ASPSCR1: variants seen among roughly 807,000 people sequenced by gnomAD.
The protein encoded by ASPSCR1 is tether containing UBX domain for GLUT4.
Under a neutral mutation model 68.9 loss-of-function variants are expected in ASPSCR1, and 55 were observed. The ratio of observed to expected loss-of-function variants is 0.80; its 90% CI spans 0.64 to 1.00. The LOEUF (loss-of-function observed/expected upper bound fraction) is 1.00, where lower values mean the gene tolerates loss of function less well. Among genes scored for constraint, ASPSCR1 ranks in the 50% least tolerant of loss-of-function variants. ASPSCR1 has a pLI of 0.00. For synonymous variants in ASPSCR1, 352 were observed against 332.6 expected (o/e 1.06, Z -0.63); for missense variants, 765 against 762.2 (o/e 1.00, Z -0.04).
chr17:82,012,064 C>T (rs2042967087), intron 11 of ASPSCR1, 167 bp from the exon 12 acceptor site: 1 of 872,720 alleles, frequency 1.1e-6, no homozygotes, highest in South Asian at 1.4e-5. Context: ...CTTCCGAGCC[C>T]TCAGCTGGAG....
intron 2 of ASPSCR1, among the ~76,000 whole-genome samples, chr17:81,979,877 A>G: frequency 6.6e-6 from 1 of 152,216 alleles, no homozygotes; most frequent in East Asian, 1.9e-4. Context: ...ACTCTCAAGG[A>G]GTCTGAGACA....
chr17:81,978,037 C>T (rs1023548961), intron 1 of ASPSCR1: 13 of 221,024 alleles, frequency 5.9e-5, no homozygotes, highest in Non-Finnish European at 8.8e-6. Context: ...CGGCCGAGCC[C>T]AGCTCGCGAG....
intron 4 of ASPSCR1, among the ~76,000 whole-genome samples, chr17:81,988,557 C>T (rs2042069329): frequency 6.6e-6 from 1 of 152,144 alleles, no homozygotes; most frequent in Admixed American, 6.5e-5. Context: ...GAGCCCCCAG[C>T]CTGCGGCCCT....
At chr17:81,993,291 G>A (rs978762258) in intron 4 of ASPSCR1, among the ~76,000 whole-genome samples, 7 of 152,104 alleles carry the variant, frequency 4.6e-5, no homozygotes, top group Non-Finnish European at 1.0e-4. Context: ...TCGGCTCACT[G>A]CAAGCTCCAC....
intron 13 of ASPSCR1, 80 bp downstream of exon 13, chr17:82,016,607 G>A: frequency 4.6e-6 from 7 of 1,527,228 alleles, no homozygotes; most frequent in South Asian, 2.4e-5. Context: ...CCGGGAGGGC[G>A]TTCGGTCTGG....
Position 81,990,054 on chromosome 17 carries a change from C to T in ASPSCR1, c.374+4447C>T, listed in dbSNP as rs2042111117. 1.3e-5 allele frequency among the ~76,000 whole-genome samples: 2 copies of T among 152,316 alleles called. No homozygotes were observed. Among genetic ancestry groups the T allele is most frequent in the South Asian group, 2.1e-4 (1 of 4,824 alleles). ...CCTCCCAAAGTGCTGAGATTACAGG[C>T]GTGAGCCACCACACCTGGCCAATCA... On this transcript the variant is annotated intron_variant, in intron 4 of 15. Transcript: ENST00000306739. This position sits in a 1 kb window ranked among gnomAD's most constrained non-coding sequence, Gnocchi z 4.1.
intron 4 of ASPSCR1, among the ~76,000 whole-genome samples, chr17:81,993,282 C>T (rs867605084): frequency 2.6e-5 from 4 of 152,004 alleles, no homozygotes; most frequent in African/African-American, 4.8e-5. Context: ...GGCGCGATCT[C>T]GGCTCACTGC....
At chr17:82,000,364 C>T (rs2042488523) in intron 7 of ASPSCR1, among the ~76,000 whole-genome samples, 1 of 152,214 alleles carries the variant, frequency 6.6e-6, no homozygotes, top group African/African-American at 2.4e-5. Flanking sequence ...GAGCGTGTGC[C>T]TGGCCTGCAT....
chr17:82,016,747 T>A, intron 13 of ASPSCR1, 53 bp from the exon 14 acceptor site: 1 of 1,574,060 alleles, frequency 6.4e-7, no homozygotes, highest in South Asian at 1.1e-5. Context: ...GCTGGGTGGA[T>A]GGTGAGTGGA....
intron 9 of ASPSCR1, 105 bp from the exon 10 acceptor site, chr17:82,010,697 C>T: frequency 8.0e-7 from 1 of 1,251,788 alleles, no homozygotes; most frequent in Non-Finnish European, 1.2e-6. Context: ...CTGCCTGCCT[C>T]AGCCCTGGTG....
At chr17:81,996,105 TA>T (rs374754411) in intron 6 of ASPSCR1, 40 bp downstream of exon 6, 11,627 of 1,119,546 alleles carry the variant, frequency 0.01, no homozygotes, top group South Asian at 0.018. Flanking sequence ...TCTATTTAGC[TA>T]AAAAAAAAAG....
At chr17:82,010,923 T>C (rs2042916802) in intron 10 of ASPSCR1, 55 bp downstream of exon 10, 1 of 1,578,886 alleles carries the variant, frequency 6.3e-7, no homozygotes, top group African/African-American at 1.3e-5. Context: ...ATGGGGCCTC[T>C]CCCGGCTCCT....
At chr17:81,984,150 C>T (rs1300392816) in intron 3 of ASPSCR1, among the ~76,000 whole-genome samples, 1 of 152,134 alleles carries the variant, frequency 6.6e-6, no homozygotes, top group Non-Finnish European at 1.5e-5. Context: ...GCCTCTGCGC[C>T]CCGCCCACGT....
chr17:82,016,593 C>T, intron 13 of ASPSCR1, 66 bp downstream of exon 13: 1 of 1,542,888 alleles, frequency 6.5e-7, no homozygotes, highest in Non-Finnish European at 8.8e-7. Flanking sequence ...TCAGAGCCAG[C>T]TGCCCGGGAG....
chr17:81,995,010 T>C (rs766534205), intron 5 of ASPSCR1, 132 bp downstream of exon 5: 30 of 1,052,376 alleles, frequency 2.9e-5, no homozygotes, highest in Non-Finnish European at 3.7e-5. Context: ...ACGACGTGTT[T>C]CATGGAAAAA....
At chr17:82,009,860 G>A (rs1377125245) in intron 9 of ASPSCR1, 4 of 271,272 alleles carry the variant, frequency 1.5e-5, no homozygotes, top group South Asian at 8.2e-5. Context: ...CCGTGGTGGC[G>A]CGCATGCCCT....
rs1043249841 is a variant in ASPSCR1, at chr17:81,983,985, G to A, written c.273+317G>A. Reference sequence around the variant, plus strand: ...CCATTCTGCCTCAGCCTCCCGAGTAGCTAGGACTACAGGTGCCCGCCACCA... The same window carrying A: ...CCATTCTGCCTCAGCCTCCCGAGTAACTAGGACTACAGGTGCCCGCCACCA... On this transcript the variant is annotated intron_variant, in intron 3 of 15. Transcript: ENST00000306739. This position sits in a 1 kb window ranked among gnomAD's most constrained non-coding sequence, Gnocchi z 4.4. Among the ~76,000 whole-genome samples the A allele has an allele frequency of 2.5e-4, 38 of 151,760 alleles. No individual in the cohort carries two copies. Among genetic ancestry groups the A allele is most frequent in the Non-Finnish European group, 5.0e-4 (34 of 67,984 alleles).
intron 7 of ASPSCR1, among the ~76,000 whole-genome samples, chr17:82,001,506 T>C (rs113495237): frequency 1.3e-5 from 2 of 152,292 alleles, no homozygotes; most frequent in African/African-American, 4.8e-5. Context: ...GCTCAGCGAC[T>C]TTGCAGGTGG....
intron 7 of ASPSCR1, chr17:82,006,556 GCTC>G (rs934645345): frequency 1.3e-5 from 2 of 152,236 alleles, no homozygotes; most frequent in African/African-American, 4.8e-5. Context: ...CTTGCCTCCT[GCTC>G]CTCCTCCCTG....
Sources: gnomAD v4.1 joint callset for allele counts (sites outside exome capture counted in the v4.1 genomes callset) on GRCh38, gnomAD v4.1.1 for gene constraint, Gnocchi (gnomAD v3.1) non-coding constraint, MANE v1.5 for transcripts, NCBI Gene and HGNC (gene_info 2026-07-23, HGNC 2026-07-21) for gene names.